The following RTN4 variants were observed in gnomAD, a reference collection of about 807,000 sequenced individuals.
RTN4 encodes reticulon 4, also known as reticulon-4.
Under a neutral mutation model 90.4 loss-of-function variants are expected in RTN4, and 32 were observed. That is an observed-to-expected ratio of 0.35 (90% CI 0.27 to 0.48). The LOEUF (loss-of-function observed/expected upper bound fraction) is 0.48. Ranked by LOEUF, RTN4 falls within the 20% of genes least tolerant of loss-of-function variation. The probability of loss-of-function intolerance (pLI) is 0.99; values close to 1 mark genes in which losing one functional copy is unlikely to be tolerated. For missense variants in RTN4, 1,706 were observed against 1,430.2 expected (o/e 1.19, Z -3.11); for synonymous variants, 629 against 552.5 (o/e 1.14, Z -1.94).
At chr2:55,126,133 G>A in the RTN4 span, among the ~76,000 whole-genome samples, 1 of 151,746 alleles carries the variant, frequency 6.6e-6, no homozygotes, top group African/African-American at 2.4e-5. Flanking sequence ...GGAGGCCAAG[G>A]AGGGCAGATC....
At chr2:55,001,143 G>C (rs1679824377) in intron 3 of RTN4, among the ~76,000 whole-genome samples, 1 of 151,988 alleles carries the variant, frequency 6.6e-6, no homozygotes, top group East Asian at 1.9e-4. Flanking sequence ...AAATCTCCAG[G>C]AAACAGAAGC....
intron 1 of RTN4, chr2:55,049,008 C>T (rs1442418415): frequency 1.4e-6 from 1 of 705,910 alleles, no homozygotes; most frequent in Non-Finnish European, 1.7e-6. Flanking sequence ...TCCCCTTTCC[C>T]TGGCTCGGTT....
chr2:54,987,786 T>C (rs1678686369), intron 3 of RTN4, 88 bp from the exon 4 acceptor site: 4 of 1,021,496 alleles, frequency 3.9e-6, no homozygotes, highest in Non-Finnish European at 5.8e-6. Context: ...CGCTACTACA[T>C]AAAGTAAAAT....
In RTN4 at chr2:55,026,296, T is replaced by C. The variant is rs1470964858; in HGVS notation, c.1803A>G (p.Glu601=). 1 of 1,613,966 alleles carries C rather than the reference T, an allele frequency of 6.2e-7. No homozygotes were observed. Among genetic ancestry groups the C allele is most frequent in the South Asian group, 1.1e-5 (1 of 91,076 alleles). Residue 601 remains glutamate (E), a synonymous_variant, in exon 3 of 9, where the codon GAA becomes GAG. Coordinates refer to ENST00000337526, the MANE Select transcript of RTN4 (RefSeq NM_020532.5). ...YPAAQLCPSF[E]ESEATPSPVL... is the part of the protein sequence containing the mutation. Reference sequence around the variant, plus strand: ...CTGGTGAAGGAGTAGCTTCTGACTCTTCAAATGATGGGCAAAGCTGTGCTG... The same window carrying C: ...CTGGTGAAGGAGTAGCTTCTGACTCCTCAAATGATGGGCAAAGCTGTGCTG...
At chr2:55,062,201 T>G (rs1668308756) in intron 2 of RTN4, among the ~76,000 whole-genome samples, 1 of 151,080 alleles carries the variant, frequency 6.6e-6, no homozygotes, top group Non-Finnish European at 1.5e-5. Flanking sequence ...TTCCACTCAA[T>G]AAAACCTTGC....
At chr2:54,979,342 G>T (rs566629646) in intron 5 of RTN4, among the ~76,000 whole-genome samples, 31 of 152,136 alleles carry the variant, frequency 2.0e-4, no homozygotes, top group Non-Finnish European at 4.0e-4. Flanking sequence ...ACAGGCGTGA[G>T]CTACTGTGCA....
intron 3 of RTN4, among the ~76,000 whole-genome samples, chr2:54,996,355 A>G (rs374949380): frequency 3.9e-5 from 6 of 152,252 alleles, no homozygotes; most frequent in African/African-American, 1.2e-4. Context: ...TCATATGGAA[A>G]TATAAGGGAT....
chr2:54,972,965 AGAT>A lies in RTN4; in HGVS notation c.*188_*190del, dbSNP rs1238994447. On this transcript the variant is annotated 3_prime_UTR_variant, in exon 9 of 9. Transcript: ENST00000337526. ...CATACATAGCAGCTTACAATACTTA[AGAT>A]GATGAACACATGGCAGTCAAGACAG... The A allele has an allele frequency of 2.0e-6, 1 of 493,662 alleles. No individual in the cohort carries two copies. The highest frequency in any genetic ancestry group is 3.7e-6 in the Non-Finnish European group (1 of 273,428). The allele number at this position is 493,662 out of a possible 1,614,324, so 30.6% of individuals were successfully genotyped here.
At chr2:55,049,629 C>G in intron 1 of RTN4, 116 bp downstream of exon 1, 1 of 1,500,902 alleles carries the variant, frequency 6.7e-7, no homozygotes, top group Non-Finnish European at 9.0e-7. Context: ...CCCCGAAGTC[C>G]GCAGACAAAG....
chr2:55,132,413 G>A, the RTN4 span, among the ~76,000 whole-genome samples: 3 of 151,786 alleles, frequency 2.0e-5, no homozygotes, highest in Non-Finnish European at 4.4e-5. Context: ...TGAGGCAGGA[G>A]AATTGCTTGA....
At chr2:54,987,047 G>A (rs1424593183) in intron 4 of RTN4, among the ~76,000 whole-genome samples, 1 of 152,016 alleles carries the variant, frequency 6.6e-6, no homozygotes, top group Non-Finnish European at 1.5e-5. Context: ...AAAGCCTTAA[G>A]AAACGAGAAG....
intron 4 of RTN4, among the ~76,000 whole-genome samples, chr2:54,983,504 C>G (rs1054047829): frequency 6.6e-6 from 1 of 152,246 alleles, no homozygotes; most frequent in African/African-American, 2.4e-5. Flanking sequence ...GTCCTCATAA[C>G]CTCCCTATGT....
intron 3 of RTN4, among the ~76,000 whole-genome samples, chr2:54,988,606 AAAG>A (rs1678766720): frequency 6.6e-6 from 1 of 152,206 alleles, no homozygotes; most frequent in African/African-American, 2.4e-5. Flanking sequence ...GCTATCATTA[AAAG>A]AAGAATTTCC....
chr2:55,041,224 G>C (rs894118072), intron 1 of RTN4, among the ~76,000 whole-genome samples: 6 of 151,810 alleles, frequency 4.0e-5, no homozygotes, highest in African/African-American at 9.7e-5. Context: ...AAAGTCTCTA[G>C]TTCACCTAAT....
At chr2:55,091,049 T>A (rs1668925999) in intron 1 of RTN4, among the ~76,000 whole-genome samples, 1 of 152,192 alleles carries the variant, frequency 6.6e-6, no homozygotes, top group Admixed American at 6.5e-5. Context: ...GAACTCCCAG[T>A]TTTGCTCAAC....
intron 5 of RTN4, among the ~76,000 whole-genome samples, 154 bp from the exon 6 acceptor site, chr2:54,974,918 G>A (rs1454944515): frequency 3.9e-5 from 6 of 152,292 alleles, no homozygotes; most frequent in African/African-American, 1.2e-4. Context: ...ATTAAGTCAC[G>A]AGTCTCAATT....
chr2:55,122,691 A>G, the RTN4 span, among the ~76,000 whole-genome samples: 1 of 152,186 alleles, frequency 6.6e-6, no homozygotes, highest in African/African-American at 2.4e-5. Flanking sequence ...GATTAGTGAC[A>G]GTGGTGGTGG....
chr2:55,058,137 G>C (rs1668222406), intron 2 of RTN4, among the ~76,000 whole-genome samples: 2 of 152,084 alleles, frequency 1.3e-5, no homozygotes, highest in Non-Finnish European at 2.9e-5. Flanking sequence ...TGATCTACAA[G>C]GGATAAAGGA....
At chr2:55,109,560 TG>T (rs1667999658) in intron 1 of RTN4, among the ~76,000 whole-genome samples, 1 of 152,182 alleles carries the variant, frequency 6.6e-6, no homozygotes, top group African/African-American at 2.4e-5. Context: ...TGAAAATATT[TG>T]TTACTGATAC....
Sources: allele counts gnomAD v4.1 joint callset (sites outside exome capture counted in the v4.1 genomes callset), GRCh38; gene constraint gnomAD v4.1.1; transcripts MANE v1.5; gene names NCBI Gene and HGNC (gene_info 2026-07-23, HGNC 2026-07-21).